Variants in WDPCP observed in about 807,000 individuals in gnomAD.
WDPCP encodes the protein WD repeat-containing and planar cell polarity effector protein fritz homolog.
Under a neutral mutation model 93.1 loss-of-function variants are expected in WDPCP, and 71 were observed. That is an observed-to-expected ratio of 0.76 (90% CI 0.63 to 0.93). WDPCP has a LOEUF of 0.93. Ranked by LOEUF, WDPCP falls within the 40% of genes least tolerant of loss-of-function variation. The pLI is 0.00. For synonymous variants in WDPCP, 315 were observed against 315.0 expected (o/e 1.00, Z 0.00); for missense variants, 844 against 887.4 (o/e 0.95, Z 0.62).
At chr2:63,163,073 A>G (rs1672740955) in intron 15 of WDPCP, among the ~76,000 whole-genome samples, 1 of 152,176 alleles carries the variant, frequency 6.6e-6, no homozygotes, top group African/African-American at 2.4e-5. Context: ...CTTGAGACAT[A>G]TTAAAGCCAC....
At chr2:63,753,259 C>T (rs1033067552) in intron 2 of WDPCP, among the ~76,000 whole-genome samples, 19 of 151,890 alleles carry the variant, frequency 1.3e-4, no homozygotes, top group African/African-American at 4.6e-4. Context: ...GATGAAACCC[C>T]GTCTTTACAA....
At chr2:63,749,225 T>G (rs1450998908) in intron 2 of WDPCP, among the ~76,000 whole-genome samples, 1 of 152,098 alleles carries the variant, frequency 6.6e-6, no homozygotes, top group Non-Finnish European at 1.5e-5. Flanking sequence ...TCCTTGTCTT[T>G]GTTTCCTGCT....
chr2:63,554,449 C>T (rs760365365), intron 1 of WDPCP, among the ~76,000 whole-genome samples: 13 of 152,106 alleles, frequency 8.5e-5, no homozygotes, highest in Non-Finnish European at 1.2e-4. Context: ...GTCAGGAGTT[C>T]GAGACCAGCC....
chr2:63,284,772 ATTGT>A (rs1683853878), intron 13 of WDPCP, among the ~76,000 whole-genome samples: 5 of 152,202 alleles, frequency 3.3e-5, no homozygotes, highest in Admixed American at 1.3e-4. Flanking sequence ...TTTAAAATGA[ATTGT>A]TTATTTTTGG....
chr2:63,584,746 C>A lies in WDPCP; in HGVS notation c.75+3451G>T, dbSNP rs963581310. The stretch of plus-strand genomic sequence containing the variant: ...AATGATCACTCTGTGTTATTAGCCT[C>A]ATTGTATTAATAAATGAAGATTTAT... On this transcript the variant is annotated intron_variant, in intron 1 of 17. Transcript: ENST00000272321. 4.6e-5 allele frequency among the ~76,000 whole-genome samples: 7 copies of A among 152,114 alleles called. No individual in the cohort carries two copies. The East Asian group carries it at 1.4e-3, about 29-fold the overall frequency.
At chr2:63,665,692 G>A (rs1231163379) in intron 2 of WDPCP, among the ~76,000 whole-genome samples, 2 of 152,194 alleles carry the variant, frequency 1.3e-5, no homozygotes, top group African/African-American at 4.8e-5. Flanking sequence ...TTGACAACTA[G>A]GAGGTGGCTG....
At chr2:63,496,429 T>A (rs1298439582) in intron 1 of WDPCP, among the ~76,000 whole-genome samples, 1 of 152,206 alleles carries the variant, frequency 6.6e-6, no homozygotes, top group African/African-American at 2.4e-5. Flanking sequence ...ACTCCCCATA[T>A]CTTCACTAAG....
chr2:63,777,037 T>C (rs1395165718), intron 2 of WDPCP, among the ~76,000 whole-genome samples: 2 of 152,172 alleles, frequency 1.3e-5, no homozygotes, highest in East Asian at 3.8e-4. Context: ...TATGGTATTG[T>C]ATATCTCAAA....
intron 14 of WDPCP, among the ~76,000 whole-genome samples, chr2:63,254,101 G>A (rs188779201): frequency 1.1e-4 from 17 of 152,248 alleles, no homozygotes; most frequent in Admixed American, 1.0e-3. Flanking sequence ...GTAGCTGGAA[G>A]CCATTACTGT....
chr2:63,706,911 C>A (rs1199245381), intron 2 of WDPCP, among the ~76,000 whole-genome samples: 1 of 152,120 alleles, frequency 6.6e-6, no homozygotes, highest in Non-Finnish European at 1.5e-5. Context: ...CCACCGTGCC[C>A]GGCCTTGAAA....
chr2:63,452,497 C>A (rs186365531), intron 6 of WDPCP, among the ~76,000 whole-genome samples: 1 of 152,126 alleles, frequency 6.6e-6, no homozygotes, highest in African/African-American at 2.4e-5. Flanking sequence ...GAATCAATAT[C>A]GTGAAAATGG....
chr2:63,777,483 C>G (rs1049882607), intron 2 of WDPCP, among the ~76,000 whole-genome samples: 1 of 152,110 alleles, frequency 6.6e-6, no homozygotes, highest in Non-Finnish European at 1.5e-5. Context: ...CACAGCAGCT[C>G]TATTTGTAAT....
At chr2:63,354,864 C>T (rs1014835772) in intron 12 of WDPCP, among the ~76,000 whole-genome samples, 3 of 151,692 alleles carry the variant, frequency 2.0e-5, no homozygotes, top group Non-Finnish European at 4.4e-5. Context: ...ACTTGAAGAT[C>T]GATTATCTGA....
At chr2:63,281,671 G>C (rs1476472748) in intron 13 of WDPCP, among the ~76,000 whole-genome samples, 1 of 152,182 alleles carries the variant, frequency 6.6e-6, no homozygotes, top group East Asian at 1.9e-4. Flanking sequence ...AATGGCATTT[G>C]CAGCAACCTG....
intron 1 of WDPCP, among the ~76,000 whole-genome samples, chr2:63,582,146 G>A (rs1290445476): frequency 1.3e-5 from 2 of 152,052 alleles, no homozygotes; most frequent in African/African-American, 4.8e-5. Flanking sequence ...ATAACCTGGA[G>A]ACTAGAATAT....
At chr2:63,412,907 T>C (rs1387315330) in intron 9 of WDPCP, among the ~76,000 whole-genome samples, 1 of 149,028 alleles carries the variant, frequency 6.7e-6, no homozygotes, top group Non-Finnish European at 1.5e-5. Context: ...CCCATGCTCA[T>C]CGATGGGTAG....
intron 17 of WDPCP, among the ~76,000 whole-genome samples, chr2:63,139,317 C>A (rs1469625904): frequency 6.6e-6 from 1 of 152,154 alleles, no homozygotes; most frequent in African/African-American, 2.4e-5. Context: ...GTAATGACTT[C>A]TTTTCTTCTG....
intron 1 of WDPCP, among the ~76,000 whole-genome samples, chr2:63,551,978 A>G (rs985274925): frequency 2.1e-5 from 3 of 141,694 alleles, no homozygotes; most frequent in Admixed American, 7.2e-5. Context: ...TTTTTTTAAG[A>G]GAGAGGGTCT....
In WDPCP at chr2:63,322,545, T is replaced by G. The variant is rs377442879; in HGVS notation, c.1749-9234A>C. 5.9e-5 allele frequency among the ~76,000 whole-genome samples: 9 copies of G among 151,974 alleles called. No homozygotes were observed. The East Asian group carries it at 1.2e-3, about 20-fold the overall frequency. Reference sequence around the variant, plus strand: ...AGAAACACCTCCAGATGTGCCACCTTTAAGAGCTGTAGCACTCACTGCGAA... The same window carrying G: ...AGAAACACCTCCAGATGTGCCACCTGTAAGAGCTGTAGCACTCACTGCGAA... On this transcript the variant is annotated intron_variant, in intron 12 of 17. Coordinates refer to ENST00000272321, the MANE Select transcript of WDPCP (RefSeq NM_015910.7).
Sources: gnomAD v4.1 joint callset for allele counts (sites outside exome capture counted in the v4.1 genomes callset) on GRCh38, gnomAD v4.1.1 for gene constraint, MANE v1.5 for transcripts, NCBI Gene and HGNC (gene_info 2026-07-23, HGNC 2026-07-21) for gene names.